The following LRIG2 variants were observed in gnomAD, a reference collection of about 807,000 sequenced individuals.
LRIG2 encodes leucine-rich repeats and immunoglobulin-like domains protein 2.
A neutral mutation model predicts 107.8 loss-of-function variants in LRIG2; 93 were observed. The observed-to-expected ratio is 0.86, with a 90% confidence interval of 0.73 to 1.03. LRIG2 has a LOEUF of 1.03. Among genes scored for constraint, LRIG2 ranks in the 50% least tolerant of loss-of-function variants. LRIG2 has a pLI of 0.00. For missense variants in LRIG2, 1,226 were observed against 1,296.0 expected (o/e 0.95, Z 0.83); for synonymous variants, 471 against 470.6 (o/e 1.00, Z -0.01).
At position 113,091,408 on chromosome 1, in the gene LRIG2, G is replaced by C. The variant is rs1653819116; in HGVS notation, c.305+25G>C. The C allele has an allele frequency of 2.1e-6, 3 of 1,456,144 alleles. No homozygotes were observed. The East Asian group carries it at 6.9e-5, about 34-fold the overall frequency. 90.2% of individuals were successfully genotyped at this position (1,456,144 alleles called of 1,614,324 possible). A position where few individuals can be genotyped will look rare whatever the true frequency, so the allele number is the denominator to read the frequency against. On this transcript the variant is annotated intron_variant, in intron 2 of 17. Coordinates refer to ENST00000361127, the MANE Select transcript of LRIG2 (RefSeq NM_014813.3). Reference sequence around the variant, plus strand: ...TGTAAGTTATTTTTATTTATTTAAAGTTATGTTAAATTCCTGAGGGAACTT... The same window carrying C: ...TGTAAGTTATTTTTATTTATTTAAACTTATGTTAAATTCCTGAGGGAACTT...
intron 16 of LRIG2, among the ~76,000 whole-genome samples, chr1:113,117,644 C>T (rs1236463469): frequency 1.3e-4 from 19 of 151,852 alleles, no homozygotes; most frequent in African/African-American, 3.6e-4. Context: ...CCACCATACC[C>T]GGCTAATTTT....
At chr1:113,093,399 C>A in intron 3 of LRIG2, 31 bp from the exon 4 acceptor site, 2 of 1,610,392 alleles carry the variant, frequency 1.2e-6, no homozygotes, top group South Asian at 1.1e-5. Context: ...GGATCAGTGG[C>A]AGCAGCTTCA....
intron 1 of LRIG2, among the ~76,000 whole-genome samples, chr1:113,079,954 T>C (rs1653185282): frequency 6.7e-6 from 1 of 149,524 alleles, no homozygotes; most frequent in Non-Finnish European, 1.5e-5. Flanking sequence ...GATCTCAAAC[T>C]CCTTACCTCG....
chr1:113,091,397 A>G lies in LRIG2; in HGVS notation c.305+14A>G, dbSNP rs1242312125. 2.0e-6 allele frequency: 3 copies of G among 1,533,738 alleles called. No homozygotes were observed. In the African/African-American group the frequency reaches 4.1e-5, roughly 21 times the overall value. On this transcript the variant is annotated intron_variant, in intron 2 of 17. Transcript: ENST00000361127. ...ATTACAGGAAGTGTAAGTTATTTTTATTTATTTAAAGTTATGTTAAATTCC... is the reference window on the plus strand; with the variant it reads ...ATTACAGGAAGTGTAAGTTATTTTTGTTTATTTAAAGTTATGTTAAATTCC...
chr1:113,100,570 A>T, intron 11 of LRIG2, 82 bp downstream of exon 11: 1 of 760,884 alleles, frequency 1.3e-6, no homozygotes, highest in Non-Finnish European at 2.2e-6. Context: ...GAGTGACCCA[A>T]GTTATTTCCA....
At chr1:113,112,415 T>C in intron 13 of LRIG2, 64 bp from the exon 14 acceptor site, 1 of 1,439,526 alleles carries the variant, frequency 6.9e-7, no homozygotes, top group South Asian at 1.4e-5. Context: ...TCATGCCTAT[T>C]TGTATGCATA....
rs1655574402 is a variant in LRIG2 at position 113,128,529 on chromosome 1, G to A, written c.*4428G>A. The A allele has an allele frequency of 6.6e-6, 1 of 152,148 alleles. No individual in the cohort carries two copies. Among genetic ancestry groups the A allele is most frequent in the South Asian group, 2.1e-4 (1 of 4,832 alleles). 9.4% of individuals were successfully genotyped at this position (152,148 alleles called of 1,614,324 possible). ...TTCTATGAATCTGTAATTCCCTCGA[G>A]GAGCTAAGGAGGATTATGCTACTTT... On this transcript the variant is annotated 3_prime_UTR_variant, in exon 18 of 18. Transcript: ENST00000361127.
At position 113,124,215 on chromosome 1, in the gene LRIG2, T is replaced by C; in HGVS notation, c.*114T>C. 1.1e-6 allele frequency: 1 copy of C among 916,156 alleles called. No individual in the cohort carries two copies. Among genetic ancestry groups the C allele is most frequent in the Non-Finnish European group, 1.7e-6 (1 of 598,246 alleles). 56.8% of individuals were successfully genotyped at this position (916,156 alleles called of 1,614,324 possible). A position where few individuals can be genotyped will look rare whatever the true frequency, so the allele number is the denominator to read the frequency against. On this transcript the variant is annotated 3_prime_UTR_variant, in exon 18 of 18. Transcript: ENST00000361127. Reference sequence around the variant, plus strand: ...CATTTGCTTTACTCTTTCTTTATGATTGCATCTGACCGCACCAAGGTGGGC... The same window carrying C: ...CATTTGCTTTACTCTTTCTTTATGACTGCATCTGACCGCACCAAGGTGGGC...
intron 17 of LRIG2, among the ~76,000 whole-genome samples, chr1:113,121,297 A>G (rs974468099): frequency 6.6e-6 from 1 of 152,226 alleles, no homozygotes; most frequent in Admixed American, 6.5e-5. Flanking sequence ...TATATTGTAT[A>G]GATTAGGCAT....
intron 13 of LRIG2, 110 bp downstream of exon 13, chr1:113,110,672 C>A: frequency 1.3e-6 from 1 of 791,088 alleles, no homozygotes; most frequent in Non-Finnish European, 2.0e-6. Context: ...AGGACTCTTA[C>A]TGTTATTGTC....
At chr1:113,080,843 T>G (rs974797471) in intron 1 of LRIG2, among the ~76,000 whole-genome samples, 3 of 144,618 alleles carry the variant, frequency 2.1e-5, no homozygotes, top group African/African-American at 5.3e-5. Flanking sequence ...AAAGTTTTTT[T>G]TTTTTTTTTT....
chr1:113,128,360 T>C lies in LRIG2; in HGVS notation c.*4259T>C, dbSNP rs1655568416. The C allele has an allele frequency of 6.6e-6, 1 of 152,176 alleles. No individual in the cohort carries two copies. Among genetic ancestry groups the C allele is most frequent in the South Asian group, 2.1e-4 (1 of 4,832 alleles). The allele number at this position is 152,176 out of a possible 1,614,324, so 9.4% of individuals were successfully genotyped here. A position where few individuals can be genotyped will look rare whatever the true frequency, so the allele number is the denominator to read the frequency against. On this transcript the variant is annotated 3_prime_UTR_variant, in exon 18 of 18. Transcript: ENST00000361127. The stretch of plus-strand genomic sequence containing the variant: ...GTGTAGTTTGTACTAGACTGACTCA[T>C]TAAGACCTTGTACGCTTCCTGAGTC...
At chr1:113,110,695 A>G in intron 13 of LRIG2, 133 bp downstream of exon 13, 1 of 712,002 alleles carries the variant, frequency 1.4e-6, no homozygotes, top group Non-Finnish European at 2.3e-6. Flanking sequence ...TTGAGTTGTG[A>G]TAACTTATCA....
intron 1 of LRIG2, among the ~76,000 whole-genome samples, chr1:113,082,767 C>T (rs1165735432): frequency 6.6e-6 from 1 of 152,038 alleles, no homozygotes; most frequent in Admixed American, 6.6e-5. Context: ...AATTCTCCTG[C>T]CTCAGCCTCC....
rs1444674451 is a variant in LRIG2 at position 113,093,253 on chromosome 1, C to G, written c.353C>G (p.Pro118Arg). The change falls in exon 3 of 18, where the codon CCT becomes CGT. Residue 118 changes from proline (P) to arginine (R), a missense_variant. Around this residue, in one of 3 missense-constraint regions of LRIG2, gnomAD observed 570 missense variants for 550.2 expected, o/e 1.04. Coordinates refer to ENST00000361127, the MANE Select transcript of LRIG2 (RefSeq NM_014813.3). Reference sequence around the variant, plus strand: ...ACAGAAATCCCGTATTTTGGAGAACCTACATCTAATATTACTCTACTTTCA... The same window carrying G: ...ACAGAAATCCCGTATTTTGGAGAACGTACATCTAATATTACTCTACTTTCA... ...ELTEIPYFGE[P>R]TSNITLLSLV... is the part of the protein sequence containing the mutation. 3.8e-6 allele frequency: 6 copies of G among 1,598,344 alleles called. No homozygotes were observed. The highest frequency in any genetic ancestry group is 1.7e-5 in the Admixed American group (1 of 57,536).
intron 17 of LRIG2, among the ~76,000 whole-genome samples, chr1:113,122,899 A>G (rs1422610630): frequency 6.6e-6 from 1 of 152,134 alleles, no homozygotes; most frequent in Non-Finnish European, 1.5e-5. Flanking sequence ...TTTTATTTTT[A>G]TTTCTGGGTA....
chr1:113,078,892 G>A (rs1469467477), intron 1 of LRIG2, among the ~76,000 whole-genome samples: 6 of 152,056 alleles, frequency 3.9e-5, no homozygotes, highest in Admixed American at 6.6e-5. Context: ...TGCCCACCTC[G>A]GCCTCCCAAA....
At chr1:113,074,634 C>T (rs570801868) in intron 1 of LRIG2, among the ~76,000 whole-genome samples, 194 of 152,160 alleles carry the variant, frequency 1.3e-3, no homozygotes, top group African/African-American at 4.4e-3. Flanking sequence ...ATGGGCCAGG[C>T]GCGGTGGCTC....
chr1:113,078,618 C>G (rs1653102623), intron 1 of LRIG2, among the ~76,000 whole-genome samples: 2 of 150,724 alleles, frequency 1.3e-5, no homozygotes, highest in South Asian at 2.1e-4. Flanking sequence ...AGGGGCAGAT[C>G]ATTTGCAGTT....
Sources: gnomAD v4.1 joint callset for allele counts (sites outside exome capture counted in the v4.1 genomes callset) on GRCh38, gnomAD v4.1.1 for gene constraint, gnomAD v4.1.1 regional missense constraint, MANE v1.5 for transcripts, NCBI Gene and HGNC (gene_info 2026-07-23, HGNC 2026-07-21) for gene names.